Variants in GLIS1 observed in about 807,000 individuals in gnomAD.
GLIS1 encodes the protein zinc finger protein GLIS1.
In GLIS1, 24 loss-of-function variants were observed where a neutral mutation model predicts 63.8. The observed-to-expected ratio is 0.38, with a 90% CI of 0.27 to 0.53. GLIS1 has a LOEUF of 0.53. Among genes scored for constraint, GLIS1 ranks in the 20% least tolerant of loss-of-function variants. The probability of loss-of-function intolerance (pLI) is 0.85; values close to 1 mark genes in which losing one functional copy is unlikely to be tolerated. For missense variants in GLIS1, 1,036 were observed against 1,074.1 expected (o/e 0.96, Z 0.50); for synonymous variants, 450 against 482.5 (o/e 0.93, Z 0.88).
At chr1:53,507,088 G>A (rs1644242349) in intron 10 of GLIS1, among the ~76,000 whole-genome samples, 1 of 152,128 alleles carries the variant, frequency 6.6e-6, no homozygotes, top group Admixed American at 6.5e-5. Flanking sequence ...GGAAAGAGAG[G>A]AGCAGGGTAG....
At chr1:53,538,474 C>T (rs1208587972) in intron 4 of GLIS1, among the ~76,000 whole-genome samples, 2 of 152,178 alleles carry the variant, frequency 1.3e-5, no homozygotes, top group Non-Finnish European at 2.9e-5. Context: ...AGAGTCCCAG[C>T]GCTCACTCAT....
chr1:53,528,565 C>T (rs994489966), intron 5 of GLIS1, among the ~76,000 whole-genome samples: 2 of 152,138 alleles, frequency 1.3e-5, no homozygotes, highest in African/African-American at 4.8e-5. Context: ...AGGGCCTGGC[C>T]TGGCCCCAAG....
rs556072188 is a variant in GLIS1, at chr1:53,686,022, C to T, written c.259+51784G>A. On this transcript the variant is annotated intron_variant, in intron 2 of 10. Coordinates refer to ENST00000628545, the MANE Select transcript of GLIS1 (RefSeq NM_001367484.1). ...CCCTGCCCTTCATCTAGTTTCATCT[C>T]CCTGTCATCCACCAGGCTGCTCACT... Among the ~76,000 whole-genome samples the T allele has an allele frequency of 2.0e-5, 3 of 152,324 alleles. No individual in the cohort carries two copies. The South Asian group carries it at 6.2e-4, about 32-fold the overall frequency.
intron 2 of GLIS1, among the ~76,000 whole-genome samples, chr1:53,643,802 G>A (rs1400490771): frequency 2.6e-5 from 4 of 152,146 alleles, no homozygotes; most frequent in Non-Finnish European, 4.4e-5. Flanking sequence ...TTCAGCCATC[G>A]GGGGCTGACA....
chr1:53,659,226 G>A (rs933879321), intron 2 of GLIS1, among the ~76,000 whole-genome samples: 3 of 152,188 alleles, frequency 2.0e-5, no homozygotes, highest in African/African-American at 7.2e-5. Context: ...GAGCAGGCCT[G>A]GACTTGCTGT....
intron 5 of GLIS1, 68 bp from the exon 6 acceptor site, chr1:53,524,955 C>T: frequency 8.3e-7 from 1 of 1,207,238 alleles, no homozygotes; most frequent in South Asian, 1.3e-5. Context: ...CTCCGCGTGA[C>T]CTGCTGTGGG....
In GLIS1 at chr1:53,594,687, G is replaced by A. The variant is rs754092612; in HGVS notation, c.741C>T (p.Pro247=). ...LKRCCVLGLP[P]TSPASSSPCA... The stretch of plus-strand genomic sequence containing the variant: ...AGGGTGAGGAGGAGGCTGGGGAGGT[G>A]GGGGGTAGGCCCAAGACGCAGCACC... The change falls in exon 4 of 11, where the codon CCC becomes CCT. Residue 247 remains proline (P), a synonymous_variant. Transcript: ENST00000628545. The A allele has an allele frequency of 7.7e-6, 12 of 1,549,826 alleles. No individual in the cohort carries two copies. Among genetic ancestry groups the A allele is most frequent in the East Asian group, 2.3e-5 (1 of 44,168 alleles).
intron 4 of GLIS1, among the ~76,000 whole-genome samples, chr1:53,569,456 G>T (rs1644963904): frequency 6.7e-6 from 1 of 149,616 alleles, no homozygotes; most frequent in Admixed American, 6.9e-5. Flanking sequence ...ACCTAAAACT[G>T]CTCTAAAAAA....
intron 2 of GLIS1, among the ~76,000 whole-genome samples, chr1:53,607,507 T>C (rs1188787934): frequency 2.0e-5 from 3 of 152,238 alleles, no homozygotes; most frequent in African/African-American, 7.2e-5. Context: ...GTGCCCATTA[T>C]GTGCCAGGTA....
intron 2 of GLIS1, among the ~76,000 whole-genome samples, chr1:53,736,599 G>A (rs1030114152): frequency 2.0e-5 from 3 of 152,028 alleles, no homozygotes; most frequent in African/African-American, 4.8e-5. Context: ...GGCATTTCCC[G>A]CCCCTCCCCA....
At chr1:53,512,689 G>T (rs1163608908) in intron 8 of GLIS1, among the ~76,000 whole-genome samples, 6 of 152,192 alleles carry the variant, frequency 3.9e-5, no homozygotes, top group Non-Finnish European at 8.8e-5. Context: ...GGCAGGGGTG[G>T]GCAGGCGGGG....
chr1:53,554,412 A>G (rs495217), intron 4 of GLIS1, among the ~76,000 whole-genome samples: 3,206 of 152,240 alleles, frequency 0.021, 78 homozygotes, highest in African/African-American at 0.054. Flanking sequence ...AACTGAGGTC[A>G]TGGCAGGCAG....
chr1:53,686,606 C>A (rs1331874459), intron 2 of GLIS1, among the ~76,000 whole-genome samples: 1 of 152,106 alleles, frequency 6.6e-6, no homozygotes, highest in African/African-American at 2.4e-5. Context: ...AGCAGATAAA[C>A]TGGAATGCAG....
chr1:53,674,281 C>A (rs746466091), intron 2 of GLIS1, among the ~76,000 whole-genome samples: 2 of 152,060 alleles, frequency 1.3e-5, no homozygotes, highest in Non-Finnish European at 2.9e-5. Flanking sequence ...AACGTGTGGT[C>A]CACAGTCCAG....
chr1:53,738,090 G>A lies in GLIS1; in HGVS notation c.-26C>T, dbSNP rs983017288. On this transcript the variant is annotated 5_prime_UTR_variant, in exon 2 of 11. Transcript: ENST00000628545. The stretch of plus-strand genomic sequence containing the variant: ...GGCGCCGGGGCGGGGCGCACGGCTG[G>A]GGGTCGCGCCGGGCTCCTGGGGAGG... 7.3e-6 allele frequency: 9 copies of A among 1,229,036 alleles called. No individual in the cohort carries two copies. The highest frequency in any genetic ancestry group is 4.2e-5 in the Admixed American group (1 of 23,604). 76.1% of individuals were successfully genotyped at this position (1,229,036 alleles called of 1,614,324 possible).
intron 2 of GLIS1, among the ~76,000 whole-genome samples, chr1:53,655,052 T>TAGTGCAC (rs1645949883): frequency 6.6e-6 from 1 of 152,084 alleles, no homozygotes; most frequent in Admixed American, 6.6e-5. Flanking sequence ...TGACGGGGCC[T>TAGTGCAC]AGTGCACAGG....
At chr1:53,621,138 T>C (rs1472360539) in intron 2 of GLIS1, among the ~76,000 whole-genome samples, 1 of 152,240 alleles carries the variant, frequency 6.6e-6, no homozygotes, top group Non-Finnish European at 1.5e-5. Context: ...ATCTGTCAAA[T>C]GCAGATCATC....
At chr1:53,643,697 G>A (rs752425503) in intron 2 of GLIS1, among the ~76,000 whole-genome samples, 16 of 152,312 alleles carry the variant, frequency 1.1e-4, no homozygotes, top group Admixed American at 8.5e-4. Context: ...AGCGAACGGC[G>A]GGAGGGTGAG....
chr1:53,600,654 T>C lies in GLIS1; in HGVS notation c.260-376A>G, dbSNP rs1372449760. On this transcript the variant is annotated intron_variant, in intron 2 of 10. Transcript: ENST00000628545. Reference sequence around the variant, plus strand: ...CCTCACGTTAACCACACGGTGCTCATGAGGCAAGGTGTGAGAACACCAGCT... The same window carrying C: ...CCTCACGTTAACCACACGGTGCTCACGAGGCAAGGTGTGAGAACACCAGCT... Among the ~76,000 whole-genome samples the C allele has an allele frequency of 3.3e-5, 5 of 152,270 alleles. No individual in the cohort carries two copies. The East Asian group carries it at 9.7e-4, about 29-fold the overall frequency.
Sources: gnomAD v4.1 joint callset for allele counts (sites outside exome capture counted in the v4.1 genomes callset) on GRCh38, gnomAD v4.1.1 for gene constraint, MANE v1.5 for transcripts, NCBI Gene and HGNC (gene_info 2026-07-23, HGNC 2026-07-21) for gene names.